Variants in BRINP3 observed in about 807,000 individuals in gnomAD.
BRINP3 encodes BMP/retinoic acid inducible neural specific 3, also known as BMP/retinoic acid-inducible neural-specific protein 3.
A neutral mutation model predicts 71.0 loss-of-function variants in BRINP3; 19 were observed. That is an observed-to-expected ratio of 0.27 (90% CI 0.19 to 0.39). The LOEUF is 0.39. Among genes scored for constraint, BRINP3 ranks in the 10% least tolerant of loss-of-function variants. BRINP3 has a pLI of 1.00. For missense variants in BRINP3, 959 were observed against 940.8 expected (o/e 1.02, Z -0.25); for synonymous variants, 380 against 337.7 (o/e 1.13, Z -1.37).
chr1:190,167,584 G>T (rs1651667642), intron 6 of BRINP3, among the ~76,000 whole-genome samples: 1 of 152,104 alleles, frequency 6.6e-6, no homozygotes, highest in Non-Finnish European at 1.5e-5. Context: ...ACCTCTTGCA[G>T]CTGTAGGGCT....
chr1:190,229,549 A>C (rs1657739371), intron 5 of BRINP3, among the ~76,000 whole-genome samples: 1 of 151,736 alleles, frequency 6.6e-6, no homozygotes, highest in Non-Finnish European at 1.5e-5. Context: ...ACAAAGTACA[A>C]ATTGACATTT....
chr1:190,319,474 A>G (rs1219733174), intron 2 of BRINP3, among the ~76,000 whole-genome samples: 1 of 152,140 alleles, frequency 6.6e-6, no homozygotes, highest in African/African-American at 2.4e-5. Context: ...GATATAAAGA[A>G]ACATTTGAGG....
chr1:190,346,017 G>GA, intron 2 of BRINP3, among the ~76,000 whole-genome samples: 1 of 151,948 alleles, frequency 6.6e-6, no homozygotes, highest in Non-Finnish European at 1.5e-5. Flanking sequence ...AGATAAAATG[G>GA]AAAATAGTGA....
chr1:190,421,321 T>TATTATC (rs3079089), intron 2 of BRINP3, among the ~76,000 whole-genome samples: 1 of 142,470 alleles, frequency 7.0e-6, no homozygotes, highest in Non-Finnish European at 1.6e-5. Flanking sequence ...TTATTATTAT[T>TATTATC]ATTATTGCCA....
intron 7 of BRINP3, among the ~76,000 whole-genome samples, chr1:190,107,644 T>C (rs1652292914): frequency 6.6e-6 from 1 of 152,012 alleles, no homozygotes; most frequent in African/African-American, 2.4e-5. Flanking sequence ...TTTGTCTATA[T>C]GTTAGCTTTC....
At chr1:190,313,027 T>C (rs1448750786) in intron 2 of BRINP3, among the ~76,000 whole-genome samples, 2 of 151,922 alleles carry the variant, frequency 1.3e-5, no homozygotes, top group Non-Finnish European at 2.9e-5. Context: ...GCACAATAAG[T>C]TTTAATTTAC....
chr1:190,426,804 A>AT (rs1251403285), intron 2 of BRINP3, among the ~76,000 whole-genome samples: 2 of 151,940 alleles, frequency 1.3e-5, no homozygotes, highest in Non-Finnish European at 2.9e-5. Flanking sequence ...TGTTATGAGT[A>AT]TTATAATTTT....
At chr1:190,398,884 A>G (rs893789174) in intron 2 of BRINP3, among the ~76,000 whole-genome samples, 1 of 151,982 alleles carries the variant, frequency 6.6e-6, no homozygotes. Context: ...CTTCACCTTT[A>G]AAACAATTTT....
At chr1:190,141,877 C>T (rs1188323958) in intron 7 of BRINP3, among the ~76,000 whole-genome samples, 2 of 151,628 alleles carry the variant, frequency 1.3e-5, no homozygotes, top group Admixed American at 6.6e-5. Context: ...ATTATTTTTC[C>T]TATATGTAAA....
rs71123082 is a variant in BRINP3, at chr1:190,307,258, GTTTTTTTTTT to G, written c.237-25518_237-25509del. 1.5e-4 allele frequency among the ~76,000 whole-genome samples: 8 copies of G among 52,596 alleles called. No homozygotes were observed. The East Asian group carries it at 4.5e-3, about 30-fold the overall frequency. The allele number at this position is 52,596 out of a possible 152,430, so 34.5% of individuals were successfully genotyped here. Reference sequence around the variant, plus strand: ...AACTGAGCTCCTCATTTAAAACATTGTTTTTTTTTTTTTTTTTTTTTTTTTTTTGAGACAG... The same window carrying G: ...AACTGAGCTCCTCATTTAAAACATTGTTTTTTTTTTTTTTTTTTGAGACAG... On this transcript the variant is annotated intron_variant, in intron 2 of 7. Coordinates refer to ENST00000367462, the MANE Select transcript of BRINP3 (RefSeq NM_199051.3).
chr1:190,373,763 G>A (rs529628221), intron 2 of BRINP3, among the ~76,000 whole-genome samples: 12 of 151,768 alleles, frequency 7.9e-5, no homozygotes, highest in African/African-American at 2.9e-4. Flanking sequence ...GACAGGTGGA[G>A]GAGCAGTAGT....
intron 2 of BRINP3, among the ~76,000 whole-genome samples, chr1:190,336,528 C>T (rs1022332768): frequency 7.2e-5 from 11 of 152,016 alleles, no homozygotes; most frequent in East Asian, 3.9e-4. Flanking sequence ...CTCAAGAAAA[C>T]GTAAATCTTA....
At chr1:190,419,121 TTTAG>T (rs568995130) in intron 2 of BRINP3, among the ~76,000 whole-genome samples, 128 of 152,226 alleles carry the variant, frequency 8.4e-4, no homozygotes, top group African/African-American at 3.0e-3. Context: ...ATATTCTCTC[TTTAG>T]TTAAACTTCC....
intron 6 of BRINP3, among the ~76,000 whole-genome samples, chr1:190,225,832 G>T (rs1478171496): frequency 1.3e-5 from 2 of 151,852 alleles, no homozygotes; most frequent in African/African-American, 2.4e-5. Flanking sequence ...AGAAAAGCAA[G>T]AACTTTATTT....
intron 1 of BRINP3, among the ~76,000 whole-genome samples, chr1:190,460,202 C>G (rs12068330): frequency 1.3e-5 from 2 of 150,942 alleles, no homozygotes; most frequent in Non-Finnish European, 3.0e-5. Flanking sequence ...TCAAATAATA[C>G]GATACATATT....
At chr1:190,387,127 C>G (rs1348730409) in intron 2 of BRINP3, among the ~76,000 whole-genome samples, 2 of 151,880 alleles carry the variant, frequency 1.3e-5, no homozygotes, top group Non-Finnish European at 2.9e-5. Flanking sequence ...TGGCAGACAT[C>G]TAGTCAGAAC....
At chr1:190,262,824 A>G (rs1007896181) in intron 4 of BRINP3, among the ~76,000 whole-genome samples, 1 of 152,112 alleles carries the variant, frequency 6.6e-6, no homozygotes, top group African/African-American at 2.4e-5. Context: ...CATTATTCCC[A>G]TTTGTATTAA....
intron 2 of BRINP3, among the ~76,000 whole-genome samples, chr1:190,311,564 T>A (rs983707095): frequency 6.6e-6 from 1 of 151,596 alleles, no homozygotes; most frequent in African/African-American, 2.4e-5. Context: ...AAAAATTTGA[T>A]CATAGAATCT....
At chr1:190,248,960 C>T (rs1659867383) in intron 4 of BRINP3, among the ~76,000 whole-genome samples, 1 of 151,752 alleles carries the variant, frequency 6.6e-6, no homozygotes, top group Non-Finnish European at 1.5e-5. Flanking sequence ...CAAGAATTTT[C>T]CCTATCAGCT....
Sources: gnomAD v4.1 joint callset for allele counts (sites outside exome capture counted in the v4.1 genomes callset) on GRCh38, gnomAD v4.1.1 for gene constraint, MANE v1.5 for transcripts, NCBI Gene and HGNC (gene_info 2026-07-23, HGNC 2026-07-21) for gene names.